The following PTPRD variants were observed in gnomAD, a reference collection of about 807,000 sequenced individuals.
The protein encoded by PTPRD is protein tyrosine phosphatase receptor type D.
Under a neutral mutation model 214.5 loss-of-function variants are expected in PTPRD, and 34 were observed. The observed-to-expected ratio is 0.16, with a 90% CI of 0.12 to 0.21. PTPRD has a LOEUF of 0.21. Among genes scored for constraint, PTPRD ranks in the 10% least tolerant of loss-of-function variants. The probability of loss-of-function intolerance (pLI) is 1.00; values close to 1 mark genes in which losing one functional copy is unlikely to be tolerated. For missense variants in PTPRD, 2,545 were observed against 2,398.7 expected (o/e 1.06, Z -1.27); for synonymous variants, 1,128 against 845.7 (o/e 1.33, Z -5.79).
chr9:8,314,963 T>C lies in PTPRD; in HGVS notation c.*2911A>G. The C allele has an allele frequency of 4.3e-6, 1 of 232,566 alleles. No individual in the cohort carries two copies. The allele number at this position is 232,566 out of a possible 1,614,324, so 14.4% of individuals were successfully genotyped here. On this transcript the variant is annotated 3_prime_UTR_variant, in exon 46 of 46. Transcript: ENST00000381196. ...TTTTTAAAAAAGAGCTAAAATAAAG[T>C]TCTGTACAAATCACTTTTTATATAT...
chr9:8,756,379 T>A (rs115017190), intron 11 of PTPRD, among the ~76,000 whole-genome samples: 2 of 152,338 alleles, frequency 1.3e-5, no homozygotes, highest in African/African-American at 4.8e-5. Flanking sequence ...TTGTTAAACA[T>A]GCAAGATTTG....
intron 2 of PTPRD, among the ~76,000 whole-genome samples, chr9:10,515,925 CTGAG>C (rs1252269379): frequency 2.0e-5 from 3 of 151,818 alleles, no homozygotes; most frequent in Non-Finnish European, 4.4e-5. Context: ...TTTTTTATGG[CTGAG>C]TAAGATTCCT....
chr9:9,332,407 T>C (rs558456551), intron 9 of PTPRD, among the ~76,000 whole-genome samples: 1 of 152,142 alleles, frequency 6.6e-6, no homozygotes, highest in African/African-American at 2.4e-5. Context: ...TTTGTCTAGT[T>C]GCTATCAATA....
At position 9,264,475 on chromosome 9, in the gene PTPRD, G is replaced by A. The variant is rs574193098; in HGVS notation, c.-202-81112C>T. Among the ~76,000 whole-genome samples, 2 of 151,622 alleles carry A rather than the reference G, an allele frequency of 1.3e-5. 1 individual carries two copies. Among genetic ancestry groups the A allele is most frequent in the Admixed American group, 1.3e-4 (2 of 15,182 alleles). On this transcript the variant is annotated intron_variant, in intron 9 of 45. Transcript: ENST00000381196. ...ATCACTGGTCATTTGAAAATATTCA[G>A]TAAGAGGAGAAAATATTTTTAAAAG...
At chr9:9,727,115 G>T (rs948349253) in intron 7 of PTPRD, among the ~76,000 whole-genome samples, 4 of 152,236 alleles carry the variant, frequency 2.6e-5, no homozygotes, top group African/African-American at 9.6e-5. Flanking sequence ...TTCTTTCAAT[G>T]TATTAGCAAT....
intron 9 of PTPRD, among the ~76,000 whole-genome samples, chr9:9,292,982 T>C (rs1393745637): frequency 1.3e-5 from 2 of 151,534 alleles, no homozygotes; most frequent in Non-Finnish European, 1.5e-5. Context: ...GATTACCTGC[T>C]TAAGGTAGTG....
intron 2 of PTPRD, among the ~76,000 whole-genome samples, chr9:10,566,979 A>G (rs2065826345): frequency 1.3e-5 from 2 of 152,024 alleles, no homozygotes; most frequent in Non-Finnish European, 2.9e-5. Context: ...AAAATGTTTT[A>G]TTTACTCTAT....
At chr9:8,381,136 G>C (rs2084941627) in intron 37 of PTPRD, among the ~76,000 whole-genome samples, 1 of 152,174 alleles carries the variant, frequency 6.6e-6, no homozygotes, top group Non-Finnish European at 1.5e-5. Context: ...TACCTAGTAA[G>C]TTTGGGCAGA....
chr9:9,222,215 A>G (rs1369683398), intron 9 of PTPRD, among the ~76,000 whole-genome samples: 1 of 152,050 alleles, frequency 6.6e-6, no homozygotes, highest in Non-Finnish European at 1.5e-5. Flanking sequence ...ATAGCCTGTG[A>G]TAGACCACTA....
At chr9:9,110,894 GTGTT>G (rs1335202736) in intron 10 of PTPRD, among the ~76,000 whole-genome samples, 3 of 152,122 alleles carry the variant, frequency 2.0e-5, no homozygotes, top group Non-Finnish European at 2.9e-5. Flanking sequence ...GCTTTTGTGT[GTGTT>G]TGTTTCACTG....
chr9:9,085,347 A>C lies in PTPRD; in HGVS notation c.-142-66612T>G, dbSNP rs1256772046. On this transcript the variant is annotated intron_variant, in intron 10 of 45. Coordinates refer to ENST00000381196, the MANE Select transcript of PTPRD (RefSeq NM_002839.4). ...TATAATAATTACTTCCTTCTCTCTCAGAGAAAATGTTGGTTTTTGCCAAGG... is the reference window on the plus strand; with the variant it reads ...TATAATAATTACTTCCTTCTCTCTCCGAGAAAATGTTGGTTTTTGCCAAGG... 6.6e-5 allele frequency among the ~76,000 whole-genome samples: 10 copies of C among 152,162 alleles called. 1 individual carries two copies. Among genetic ancestry groups the C allele is most frequent in the Admixed American group, 6.6e-4 (10 of 15,258 alleles).
chr9:9,309,865 G>C (rs1401160818), intron 9 of PTPRD, among the ~76,000 whole-genome samples: 1 of 152,054 alleles, frequency 6.6e-6, no homozygotes, highest in East Asian at 1.9e-4. Flanking sequence ...TCTTAAGTCA[G>C]CTCAGTTTTA....
At chr9:9,578,034 A>G (rs1480168716) in intron 7 of PTPRD, among the ~76,000 whole-genome samples, 11 of 119,166 alleles carry the variant, frequency 9.2e-5, no homozygotes, top group African/African-American at 3.6e-4. Flanking sequence ...TGACAGAGTA[A>G]GACTCTGTCT....
intron 10 of PTPRD, among the ~76,000 whole-genome samples, chr9:9,021,549 T>TA (rs992676862): frequency 4.6e-5 from 7 of 151,598 alleles, no homozygotes; most frequent in Admixed American, 6.6e-5. Flanking sequence ...TCTTTCTACT[T>TA]AAAAAAAATG....
At chr9:10,448,569 T>A (rs1810448663) in intron 2 of PTPRD, among the ~76,000 whole-genome samples, 1 of 152,036 alleles carries the variant, frequency 6.6e-6, no homozygotes, top group Admixed American at 6.5e-5. Context: ...AAATATACCT[T>A]ACCGGTAGTG....
intron 10 of PTPRD, among the ~76,000 whole-genome samples, chr9:9,177,404 A>T (rs2099925567): frequency 6.6e-6 from 1 of 152,090 alleles, no homozygotes; most frequent in South Asian, 2.1e-4. Flanking sequence ...TCACGACCCT[A>T]ATTGTTTTTT....
chr9:9,474,778 AT>A (rs1242377353), intron 8 of PTPRD, among the ~76,000 whole-genome samples: 2 of 152,008 alleles, frequency 1.3e-5, no homozygotes, highest in African/African-American at 4.8e-5. Context: ...TTTTATGTTA[AT>A]TTTGTATCTT....
At chr9:9,845,841 A>C (rs1470450676) in intron 5 of PTPRD, among the ~76,000 whole-genome samples, 11 of 152,132 alleles carry the variant, frequency 7.2e-5, no homozygotes, top group Admixed American at 5.2e-4. Flanking sequence ...GGCTGCAATT[A>C]AATAGCTAAC....
At chr9:8,803,287 T>C (rs895836119) in intron 11 of PTPRD, among the ~76,000 whole-genome samples, 14 of 152,094 alleles carry the variant, frequency 9.2e-5, no homozygotes, top group African/African-American at 3.1e-4. Context: ...TTAGATAATA[T>C]GAATAATAAT....
Sources: allele counts gnomAD v4.1 joint callset (sites outside exome capture counted in the v4.1 genomes callset), GRCh38; gene constraint gnomAD v4.1.1; transcripts MANE v1.5; gene names NCBI Gene and HGNC (gene_info 2026-07-23, HGNC 2026-07-21).